SPOCK1: variants seen among roughly 807,000 people sequenced by gnomAD.
The protein encoded by SPOCK1 is testican-1.
In SPOCK1, 23 loss-of-function variants were observed where a neutral mutation model predicts 55.3. The observed-to-expected ratio is 0.42, with a 90% CI of 0.30 to 0.59. The LOEUF (loss-of-function observed/expected upper bound fraction) is 0.59, where lower values mean the gene tolerates loss of function less well. SPOCK1 is among the 20% of genes least tolerant of loss of function. The pLI, the probability that SPOCK1 is intolerant of heterozygous loss-of-function variation, is 0.22. For synonymous variants in SPOCK1, 226 were observed against 221.0 expected (o/e 1.02, Z -0.20); for missense variants, 499 against 552.5 (o/e 0.90, Z 0.97).
At chr5:137,445,361 T>C (rs1219526229) in intron 2 of SPOCK1, among the ~76,000 whole-genome samples, 1 of 152,212 alleles carries the variant, frequency 6.6e-6, no homozygotes, top group Non-Finnish European at 1.5e-5. Flanking sequence ...GTGATCATAC[T>C]TTTCCTTCAA....
intron 3 of SPOCK1, among the ~76,000 whole-genome samples, chr5:137,227,056 C>T (rs984854112): frequency 6.6e-6 from 1 of 152,312 alleles, no homozygotes; most frequent in Non-Finnish European, 1.5e-5. Context: ...GGATTTCTAA[C>T]AAGGGATTTG....
chr5:137,466,297 A>T (rs774962712), intron 2 of SPOCK1, among the ~76,000 whole-genome samples: 14 of 152,210 alleles, frequency 9.2e-5, no homozygotes, highest in Admixed American at 9.2e-4. Context: ...ATGCTAATTC[A>T]TAGGGTATTA....
chr5:137,182,816 A>G (rs75799045), intron 3 of SPOCK1, among the ~76,000 whole-genome samples: 10 of 152,254 alleles, frequency 6.6e-5, no homozygotes, highest in Non-Finnish European at 1.5e-4. Flanking sequence ...TAAGCTCCTA[A>G]GCTGAAACTC....
chr5:137,468,122 C>T (rs960637220), intron 2 of SPOCK1, among the ~76,000 whole-genome samples: 1 of 152,186 alleles, frequency 6.6e-6, no homozygotes, highest in Admixed American at 6.5e-5. Flanking sequence ...TGGATTGCTG[C>T]TAACCAAAAG....
At chr5:137,180,872 C>G (rs2127064099) in intron 3 of SPOCK1, among the ~76,000 whole-genome samples, 1 of 152,254 alleles carries the variant, frequency 6.6e-6, no homozygotes, top group East Asian at 1.9e-4. Context: ...CTGGTCCTCA[C>G]AATGAAAAAA....
At chr5:137,447,714 C>T (rs1461196207) in intron 2 of SPOCK1, among the ~76,000 whole-genome samples, 2 of 152,172 alleles carry the variant, frequency 1.3e-5, no homozygotes, top group Non-Finnish European at 2.9e-5. Flanking sequence ...CTCACCTGTT[C>T]AGGCATCTGT....
intron 2 of SPOCK1, among the ~76,000 whole-genome samples, chr5:137,424,196 C>A (rs990956092): frequency 1.3e-5 from 2 of 151,932 alleles, no homozygotes; most frequent in Non-Finnish European, 2.9e-5. Flanking sequence ...GCCTGGGCAA[C>A]ACAGCAAAGG....
chr5:137,231,589 G>A (rs1205223975), intron 3 of SPOCK1, among the ~76,000 whole-genome samples: 1 of 152,216 alleles, frequency 6.6e-6, no homozygotes, highest in African/African-American at 2.4e-5. Context: ...TTATTGCAAA[G>A]TACTATTCCA....
At chr5:137,342,211 C>T (rs1358738685) in intron 2 of SPOCK1, among the ~76,000 whole-genome samples, 2 of 152,190 alleles carry the variant, frequency 1.3e-5, no homozygotes, top group East Asian at 3.9e-4. Context: ...CCCAGCCTCA[C>T]CTTGGCCCTC....
At chr5:137,496,022 C>T (rs1358593116) in intron 2 of SPOCK1, among the ~76,000 whole-genome samples, 2 of 151,906 alleles carry the variant, frequency 1.3e-5, no homozygotes, top group African/African-American at 4.8e-5. Context: ...ATGTCTAAAA[C>T]CGCTCCAAAA....
At chr5:136,991,197 T>C (rs182967592) in intron 7 of SPOCK1, among the ~76,000 whole-genome samples, 23 of 152,254 alleles carry the variant, frequency 1.5e-4, no homozygotes, top group Admixed American at 1.4e-3. Context: ...TCTGCTTTTG[T>C]TGATAGGTTG....
intron 2 of SPOCK1, among the ~76,000 whole-genome samples, chr5:137,448,944 A>C (rs958459872): frequency 6.6e-6 from 1 of 152,172 alleles, no homozygotes; most frequent in African/African-American, 2.4e-5. Flanking sequence ...CTGACACCTG[A>C]TTTCCACGGA....
chr5:137,401,058 G>A (rs980277509), intron 2 of SPOCK1, among the ~76,000 whole-genome samples: 8 of 152,136 alleles, frequency 5.3e-5, no homozygotes, highest in Non-Finnish European at 1.2e-4. Flanking sequence ...CTCAACAGGG[G>A]CTATCAAGCA....
chr5:137,246,376 T>C (rs1756394966), intron 3 of SPOCK1, among the ~76,000 whole-genome samples: 1 of 152,194 alleles, frequency 6.6e-6, no homozygotes, highest in East Asian at 1.9e-4. Flanking sequence ...CATTAGGATA[T>C]GACATTTCCT....
intron 2 of SPOCK1, among the ~76,000 whole-genome samples, chr5:137,402,935 G>A (rs2127184866): frequency 6.6e-6 from 1 of 152,316 alleles, no homozygotes; most frequent in South Asian, 2.1e-4. Flanking sequence ...TTACAGAGTT[G>A]TGAGAAACCT....
At chr5:137,249,025 A>G (rs2966733) in intron 3 of SPOCK1, among the ~76,000 whole-genome samples, 10,251 of 152,246 alleles carry the variant, frequency 0.067, 1,053 homozygotes, top group African/African-American at 0.23. Flanking sequence ...TTAATTCTCT[A>G]CAAACTATTT....
At chr5:137,480,573 G>A (rs7723961) in intron 2 of SPOCK1, among the ~76,000 whole-genome samples, 1,907 of 152,250 alleles carry the variant, frequency 0.013, 42 homozygotes, top group African/African-American at 0.044. Flanking sequence ...GTGGATTAGA[G>A]CCCAACTATC....
intron 2 of SPOCK1, among the ~76,000 whole-genome samples, chr5:137,482,280 G>A (rs571223049): frequency 3.2e-4 from 48 of 152,316 alleles, no homozygotes; most frequent in African/African-American, 1.1e-3. Context: ...AGAGGCATTT[G>A]TTCCCCATCT....
chr5:137,088,037 C>T (rs931737248), intron 5 of SPOCK1, among the ~76,000 whole-genome samples: 5 of 152,138 alleles, frequency 3.3e-5, no homozygotes, highest in African/African-American at 1.2e-4. Context: ...TGTGCTTAGA[C>T]AATAACCCAG....
Sources: allele counts gnomAD v4.1 joint callset (sites outside exome capture counted in the v4.1 genomes callset), GRCh38; gene constraint gnomAD v4.1.1; transcripts MANE v1.5; gene names NCBI Gene and HGNC (gene_info 2026-07-23, HGNC 2026-07-21).